The following KDM4B variants were observed in gnomAD, a reference collection of about 807,000 sequenced individuals.
The protein encoded by KDM4B is lysine demethylase 4B.
In KDM4B, 32 loss-of-function variants were observed where a neutral mutation model predicts 125.2. The observed-to-expected ratio is 0.26, with a 90% CI of 0.19 to 0.34. The LOEUF (loss-of-function observed/expected upper bound fraction) is 0.34. Among genes scored for constraint, KDM4B ranks in the 10% least tolerant of loss-of-function variants. The pLI, the probability that KDM4B is intolerant of heterozygous loss-of-function variation, is 1.00. For missense variants in KDM4B, 1,190 were observed against 1,577.7 expected (o/e 0.75, Z 4.16); for synonymous variants, 721 against 677.9 (o/e 1.06, Z -0.99).
intron 9 of KDM4B, among the ~76,000 whole-genome samples, chr19:5,084,109 T>C (rs1465966312): frequency 4.6e-5 from 7 of 151,760 alleles, no homozygotes; most frequent in African/African-American, 1.5e-4. Flanking sequence ...TATCCAGGCA[T>C]GGTGGTGGGC....
chr19:5,145,945 C>T (rs2039834098), intron 21 of KDM4B, among the ~76,000 whole-genome samples: 1 of 152,234 alleles, frequency 6.6e-6, no homozygotes, highest in Non-Finnish European at 1.5e-5. Flanking sequence ...GGTCCCGAGG[C>T]CGCATTAAGG....
At chr19:5,144,500 G>T (rs1568325858) in intron 20 of KDM4B, 88 bp downstream of exon 20, 2 of 1,161,200 alleles carry the variant, frequency 1.7e-6, no homozygotes, top group African/African-American at 1.6e-5. Flanking sequence ...GAGCTGTGGG[G>T]GTGGGCGGGG....
Position 4,993,523 on chromosome 19 carries a change from A to G in KDM4B, c.-108-22734A>G, listed in dbSNP as rs540559325. Among the ~76,000 whole-genome samples, 6 of 151,622 alleles carry G rather than the reference A, an allele frequency of 4.0e-5. No homozygotes were observed. The East Asian group carries it at 1.2e-3, about 29-fold the overall frequency. Reference sequence around the variant, plus strand: ...ATGTATTTTGGGGCTCTGTTATTAGATGCATATATGTTTATAATTGCTGTA... The same window carrying G: ...ATGTATTTTGGGGCTCTGTTATTAGGTGCATATATGTTTATAATTGCTGTA... On this transcript the variant is annotated intron_variant, in intron 1 of 22. Transcript: ENST00000159111.
chr19:4,969,721 G>C, intron 1 of KDM4B, among the ~76,000 whole-genome samples: 1 of 152,130 alleles, frequency 6.6e-6, no homozygotes, highest in South Asian at 2.1e-4. Context: ...CGCCAGGGGG[G>C]CTAAGGGGAA....
chr19:4,969,360 C>G (rs1377653310), intron 1 of KDM4B, 130 bp downstream of exon 1: 2 of 144,162 alleles, frequency 1.4e-5, no homozygotes, highest in East Asian at 4.1e-4. Flanking sequence ...GCGGCCTGCT[C>G]GGGCCGGGCC....
rs1276522680 is a variant in KDM4B at position 5,142,170 on chromosome 19, C to T, written c.2551-1797C>T. Among the ~76,000 whole-genome samples the T allele has an allele frequency of 6.6e-6, 1 of 152,180 alleles. No homozygotes were observed. The highest frequency in any genetic ancestry group is 1.5e-5 in the Non-Finnish European group (1 of 68,014). On this transcript the variant is annotated intron_variant, in intron 18 of 22. Transcript: ENST00000159111. The surrounding 1 kb of genome is among the most constrained non-coding windows in gnomAD (Gnocchi z 5.4). Reference sequence around the variant, plus strand: ...CAGCCCTGTGGCCTCCGAGGAAGGACACCGAGCCGGGAACTTCGAACCAAA... The same window carrying T: ...CAGCCCTGTGGCCTCCGAGGAAGGATACCGAGCCGGGAACTTCGAACCAAA...
At chr19:4,995,983 C>T (rs1351956768) in intron 1 of KDM4B, among the ~76,000 whole-genome samples, 1 of 152,076 alleles carries the variant, frequency 6.6e-6, no homozygotes, top group African/African-American at 2.4e-5. Flanking sequence ...TGAGCACTTA[C>T]TTTTCTCTCT....
At chr19:5,010,956 C>A (rs539374854) in intron 1 of KDM4B, among the ~76,000 whole-genome samples, 1 of 152,290 alleles carries the variant, frequency 6.6e-6, no homozygotes, top group Admixed American at 6.5e-5. Context: ...CGCTCAATTG[C>A]ATTTCACATG....
intron 8 of KDM4B, among the ~76,000 whole-genome samples, chr19:5,079,597 G>T (rs2038225034): frequency 1.3e-5 from 2 of 152,332 alleles, no homozygotes; most frequent in South Asian, 4.1e-4. Context: ...CCTGACGCAT[G>T]CCTGCAGGCC....
At chr19:5,065,153 C>T (rs1243456381) in intron 6 of KDM4B, among the ~76,000 whole-genome samples, 1 of 152,246 alleles carries the variant, frequency 6.6e-6, no homozygotes, top group East Asian at 1.9e-4. Flanking sequence ...GGAGGGGCCA[C>T]AGCGCCTGCT....
At position 5,131,219 on chromosome 19, in the gene KDM4B, C is replaced by A. The variant is rs1198473461; in HGVS notation, c.1459C>A (p.Pro487Thr). The A allele has an allele frequency of 6.2e-6, 10 of 1,604,920 alleles. No individual in the cohort carries two copies. The highest frequency in any genetic ancestry group is 8.5e-6 in the Non-Finnish European group (10 of 1,176,028). ...EALWLPSPLE[P>T]PVLGPGPAAM... ...GCTGTGGCTGCCATCCCCACTGGAG[C>A]CCCCGGTGCTGGGCCCAGGCCCTGC... The change falls in exon 12 of 23, where the codon CCC becomes ACC. Residue 487 changes from proline (P) to threonine (T), a missense_variant. Physicochemically the swap from Pro to Thr is conservative, Grantham distance 38. Coordinates refer to ENST00000159111, the MANE Select transcript of KDM4B (RefSeq NM_015015.3).
At position 5,033,748 on chromosome 19, in the gene KDM4B, TTC is replaced by T. The variant is rs142326261; in HGVS notation, c.141+732_141+733del. ...CTGGAAGCAGCACTGTTATTGGTTC[TTC>T]TCTCTCTCTCTCTCGGCATATTGTG... On this transcript the variant is annotated intron_variant, in intron 3 of 22. Transcript: ENST00000159111. Among the ~76,000 whole-genome samples the T allele has an allele frequency of 8.6e-5, 13 of 151,266 alleles. No homozygotes were observed. In the South Asian group the frequency reaches 1.9e-3, roughly 22 times the overall value.
chr19:5,127,340 CG>C (rs1429161008), intron 11 of KDM4B, among the ~76,000 whole-genome samples: 1 of 152,182 alleles, frequency 6.6e-6, no homozygotes, highest in Non-Finnish European at 1.5e-5. Flanking sequence ...GGAATGGCTG[CG>C]GGGTGTGCCG....
At position 5,064,094 on chromosome 19, in the gene KDM4B, G is replaced by A. The variant is rs141526394; in HGVS notation, c.627-6916G>A. ...GGGTCACAGGCCGGGGCCACCATAGGGCTTTGTTGCGAGGGTGGCGGTCAC... is the reference window on the plus strand; with the variant it reads ...GGGTCACAGGCCGGGGCCACCATAGAGCTTTGTTGCGAGGGTGGCGGTCAC... On this transcript the variant is annotated intron_variant, in intron 6 of 22. Coordinates refer to ENST00000159111, the MANE Select transcript of KDM4B (RefSeq NM_015015.3). 5.8e-3 allele frequency among the ~76,000 whole-genome samples: 879 copies of A among 152,330 alleles called. 9 individuals carry two copies. The highest frequency in any genetic ancestry group is 0.02 in the African/African-American group (830 of 41,578).
chr19:5,071,199 T>G (rs926116382), intron 7 of KDM4B, 140 bp downstream of exon 7: 1 of 712,374 alleles, frequency 1.4e-6, no homozygotes, highest in Non-Finnish European at 2.3e-6. Flanking sequence ...CTTTGAGCCA[T>G]TACTGTGTGA....
chr19:4,997,770 C>T lies in KDM4B; in HGVS notation c.-108-18487C>T, dbSNP rs1320608843. The stretch of plus-strand genomic sequence containing the variant: ...AGGACCTCGTCATCAGCCTCTTCAT[C>T]CTTACTGTCTGGTCTGTTCCAAAGG... On this transcript the variant is annotated intron_variant, in intron 1 of 22. Transcript: ENST00000159111. This position sits in a 1 kb window ranked among gnomAD's most constrained non-coding sequence, Gnocchi z 4.2. Among the ~76,000 whole-genome samples, 1 of 152,248 alleles carries T rather than the reference C, an allele frequency of 6.6e-6. No individual in the cohort carries two copies. Among genetic ancestry groups the T allele is most frequent in the Non-Finnish European group, 1.5e-5 (1 of 68,048 alleles).
At chr19:5,119,130 G>A in intron 10 of KDM4B, 1 of 1,531,090 alleles carries the variant, frequency 6.5e-7, no homozygotes, top group Non-Finnish European at 8.8e-7. Context: ...AAATTAGTCT[G>A]AAAGAAAACA....
chr19:5,094,983 C>T (rs984894745), intron 9 of KDM4B, among the ~76,000 whole-genome samples: 25 of 151,784 alleles, frequency 1.6e-4, no homozygotes, highest in Admixed American at 3.3e-4. Flanking sequence ...AGCTCGGGGG[C>T]GGCGCCGGGG....
chr19:5,007,547 T>C (rs1256247257), intron 1 of KDM4B, among the ~76,000 whole-genome samples: 2 of 146,774 alleles, frequency 1.4e-5, no homozygotes, highest in African/African-American at 5.0e-5. Context: ...TCTCTCTTTT[T>C]TTTTTTTTTT....
Sources: allele counts gnomAD v4.1 joint callset (sites outside exome capture counted in the v4.1 genomes callset), GRCh38; gene constraint gnomAD v4.1.1; non-coding constraint Gnocchi (gnomAD v3.1); transcripts MANE v1.5; gene names NCBI Gene and HGNC (gene_info 2026-07-23, HGNC 2026-07-21).